FHIP2A: variants seen among roughly 807,000 people sequenced by gnomAD.
FHIP2A encodes FHF complex subunit HOOK interacting protein 2A.
In FHIP2A, 46 loss-of-function variants were observed where a neutral mutation model predicts 93.5. The observed-to-expected ratio is 0.49, with a 90% CI of 0.39 to 0.63. The LOEUF (loss-of-function observed/expected upper bound fraction) is 0.63. Among genes scored for constraint, FHIP2A ranks in the 20% least tolerant of loss-of-function variants. The pLI is 0.00. For missense variants in FHIP2A, 769 were observed against 909.7 expected (o/e 0.85, Z 1.99); for synonymous variants, 332 against 326.5 (o/e 1.02, Z -0.18).
At chr10:114,836,064 T>C in intron 4 of FHIP2A, 60 bp from the exon 5 acceptor site, 1 of 1,355,106 alleles carries the variant, frequency 7.4e-7, no homozygotes, top group Non-Finnish European at 1.0e-6. Flanking sequence ...TGAATGGTTA[T>C]TTTACAAATT....
chr10:114,847,781 G>A (rs2083710876), intron 12 of FHIP2A, among the ~76,000 whole-genome samples: 3 of 131,580 alleles, frequency 2.3e-5, no homozygotes, highest in African/African-American at 8.6e-5. Flanking sequence ...GAGTCTCACT[G>A]TGTCGCCCAG....
At chr10:114,822,857 A>T (rs1413510335) in intron 1 of FHIP2A, among the ~76,000 whole-genome samples, 1 of 152,182 alleles carries the variant, frequency 6.6e-6, no homozygotes, top group Non-Finnish European at 1.5e-5. Context: ...CTCTTCGTTT[A>T]TCCTGCAATT....
intron 16 of FHIP2A, among the ~76,000 whole-genome samples, chr10:114,873,897 A>G (rs1021730895): frequency 6.6e-6 from 1 of 152,096 alleles, no homozygotes; most frequent in East Asian, 1.9e-4. Context: ...CATTTCTCCA[A>G]GATACATCAG....
chr10:114,891,219 AAT>A (rs67046628), intron 16 of FHIP2A, among the ~76,000 whole-genome samples: 11,336 of 138,270 alleles, frequency 0.082, 588 homozygotes, highest in Admixed American at 0.16. Context: ...AACAACAACA[AAT>A]ATATATATAT....
intron 16 of FHIP2A, among the ~76,000 whole-genome samples, chr10:114,893,685 C>CTGTG (rs143279571): frequency 1.3e-5 from 2 of 151,290 alleles, no homozygotes; most frequent in Non-Finnish European, 3.0e-5. Context: ...ATGTGGTATT[C>CTGTG]TGTGTGTGTG....
chr10:114,884,909 A>AT (rs2083934614), intron 16 of FHIP2A, among the ~76,000 whole-genome samples: 1 of 108,814 alleles, frequency 9.2e-6, no homozygotes, highest in African/African-American at 3.9e-5. Flanking sequence ...GTGAGACTCC[A>AT]TCAAAAAAAA....
At chr10:114,897,721 G>T (rs1245272822) in intron 16 of FHIP2A, among the ~76,000 whole-genome samples, 1 of 152,088 alleles carries the variant, frequency 6.6e-6, no homozygotes, top group Non-Finnish European at 1.5e-5. Flanking sequence ...ACTAGCCTGG[G>T]CAACATGGCA....
At position 114,851,714 on chromosome 10, in the gene FHIP2A, C is replaced by CCAAAAA. The variant is rs774825413; in HGVS notation, c.1803+2977_1803+2978insCAAAAA. Among the ~76,000 whole-genome samples the CCAAAAA allele has an allele frequency of 5.2e-3, 425 of 81,928 alleles. 6 individuals are homozygous for CCAAAAA. Among genetic ancestry groups the CCAAAAA allele is most frequent in the African/African-American group, 0.02 (410 of 20,574 alleles). 53.7% of individuals were successfully genotyped at this position (81,928 alleles called of 152,430 possible). A position where few individuals can be genotyped will look rare whatever the true frequency, so the allele number is the denominator to read the frequency against. The stretch of plus-strand genomic sequence containing the variant: ...TTTAGGATTACTTTGTCCATTTCTG[C>CCAAAAA]AAAAAAAAAAAAAAAAAAAAAAGCA... On this transcript the variant is annotated intron_variant, in intron 13 of 16. Coordinates refer to ENST00000369248, the MANE Select transcript of FHIP2A (RefSeq NM_020940.4).
intron 14 of FHIP2A, among the ~76,000 whole-genome samples, chr10:114,857,413 G>A (rs2083773657): frequency 1.3e-5 from 2 of 149,218 alleles, no homozygotes; most frequent in Admixed American, 1.4e-4. Flanking sequence ...CGGCTCAAGC[G>A]ATTCTCCCGT....
At chr10:114,860,092 G>T (rs939201541) in intron 14 of FHIP2A, among the ~76,000 whole-genome samples, 2 of 152,168 alleles carry the variant, frequency 1.3e-5, no homozygotes, top group Admixed American at 1.3e-4. Context: ...TGCTCAATGG[G>T]TCCTCTGTAA....
Position 114,830,375 on chromosome 10 carries a change from C to T in FHIP2A, c.46-477C>T, listed in dbSNP as rs1304880645. Among the ~76,000 whole-genome samples the T allele has an allele frequency of 4.0e-5, 6 of 149,822 alleles. No individual in the cohort carries two copies. The East Asian group carries it at 9.8e-4, about 24-fold the overall frequency. ...GAAACCTCCACCTCCCAGGTTCAAG[C>T]GATTCTCCTGTCTCAGCCTCCCCAG... On this transcript the variant is annotated intron_variant, in intron 1 of 16. Transcript: ENST00000369248.
At chr10:114,874,591 C>T (rs751215286) in intron 16 of FHIP2A, among the ~76,000 whole-genome samples, 5 of 152,182 alleles carry the variant, frequency 3.3e-5, no homozygotes, top group Admixed American at 1.3e-4. Context: ...CAACCTCCGC[C>T]TCCCGGGTTC....
rs552544539 is a variant in FHIP2A at position 114,871,386 on chromosome 10, G to A, written c.2192+10052G>A. Among the ~76,000 whole-genome samples the A allele has an allele frequency of 1.7e-3, 263 of 152,164 alleles. 2 individuals are homozygous for A. The highest frequency in any genetic ancestry group is 6.0e-3 in the African/African-American group (248 of 41,510). Reference sequence around the variant, plus strand: ...GTCTCAATGCAGCAACAGTAGCATGGCAGGCCCCCTCTCAGAGACCAGAGT... The same window carrying A: ...GTCTCAATGCAGCAACAGTAGCATGACAGGCCCCCTCTCAGAGACCAGAGT... On this transcript the variant is annotated intron_variant, in intron 16 of 16. Coordinates refer to the FHIP2A transcript ENST00000369250.
intron 13 of FHIP2A, among the ~76,000 whole-genome samples, chr10:114,850,252 T>C (rs2083726872): frequency 6.6e-6 from 1 of 152,216 alleles, no homozygotes; most frequent in Non-Finnish European, 1.5e-5. Flanking sequence ...AAGTTCACCA[T>C]TTCCTTGCCA....
At chr10:114,836,100 A>T in intron 4 of FHIP2A, 24 bp from the exon 5 acceptor site, 1 of 1,527,414 alleles carries the variant, frequency 6.5e-7, no homozygotes, top group Non-Finnish European at 8.9e-7. Context: ...AAGTTTAAAA[A>T]GTTAAAAACA....
chr10:114,888,125 G>A (rs1030604523), intron 16 of FHIP2A, among the ~76,000 whole-genome samples: 2 of 152,152 alleles, frequency 1.3e-5, no homozygotes, highest in African/African-American at 2.4e-5. Flanking sequence ...CAGCTCCCAC[G>A]AGGGTGTCAG....
At chr10:114,839,637 G>C (rs12415375) in intron 5 of FHIP2A, among the ~76,000 whole-genome samples, 11,046 of 151,986 alleles carry the variant, frequency 0.073, 809 homozygotes, top group African/African-American at 0.17. Flanking sequence ...CCAGCACTTT[G>C]GTAGGCTGAG....
At position 114,847,175 on chromosome 10, in the gene FHIP2A, G is replaced by C. The variant is rs1478394854; in HGVS notation, c.1654G>C (p.Ala552Pro). 6.2e-7 allele frequency: 1 copy of C among 1,613,536 alleles called. No homozygotes were observed. Among genetic ancestry groups the C allele is most frequent in the East Asian group, 2.2e-5 (1 of 44,840 alleles). Residue 552 changes from alanine (A) to proline (P), a missense_variant, in exon 12 of 17, where the codon GCT becomes CCT. Ala to Pro is a conservative substitution (Grantham distance 27). Transcript: ENST00000369248. ...NQEWLSSSPP[A>P]TPDHPKNDGK... Reference sequence around the variant, plus strand: ...AGAGTGGCTTAGTTCTTCACCTCCTGCTACTCCAGACCACCCCAAAAATGA... The same window carrying C: ...AGAGTGGCTTAGTTCTTCACCTCCTCCTACTCCAGACCACCCCAAAAATGA...
intron 16 of FHIP2A, among the ~76,000 whole-genome samples, chr10:114,893,645 C>A (rs551276845): frequency 6.6e-6 from 1 of 152,146 alleles, no homozygotes; most frequent in South Asian, 2.1e-4. Flanking sequence ...TCTTCCTTAC[C>A]ATAATAAGCA....
Sources: allele counts gnomAD v4.1 joint callset (sites outside exome capture counted in the v4.1 genomes callset), GRCh38; gene constraint gnomAD v4.1.1; transcripts MANE v1.5; gene names NCBI Gene and HGNC (gene_info 2026-07-23, HGNC 2026-07-21).